Variants in SYN3 observed in about 807,000 individuals in gnomAD.
SYN3 encodes the protein synapsin-3.
A neutral mutation model predicts 65.8 loss-of-function variants in SYN3; 35 were observed. The ratio of observed to expected loss-of-function variants is 0.53; its 90% confidence interval spans 0.41 to 0.70. The LOEUF (loss-of-function observed/expected upper bound fraction) is 0.70, where lower values mean the gene tolerates loss of function less well. SYN3 is among the 30% of genes least tolerant of loss of function. The pLI is 0.00. For missense variants in SYN3, 680 were observed against 749.0 expected, an observed-to-expected ratio of 0.91 and a Z score of 1.08; for synonymous variants, 270 against 292.9, an observed-to-expected ratio of 0.92 and a Z score of 0.80.
chr22:32,668,887 G>A (rs2060326073), intron 6 of SYN3, among the ~76,000 whole-genome samples: 1 of 152,194 alleles, frequency 6.6e-6, no homozygotes, highest in Non-Finnish European at 1.5e-5. Context: ...CAGGCTCATG[G>A]TGCCCTGTGT....
intron 6 of SYN3, among the ~76,000 whole-genome samples, chr22:32,842,816 G>A (rs1440926080): frequency 6.6e-6 from 1 of 152,240 alleles, no homozygotes; most frequent in South Asian, 2.1e-4. Context: ...TGCTGATGGC[G>A]ATGACTTCTA....
chr22:32,610,085 A>T (rs2059421078), intron 6 of SYN3, among the ~76,000 whole-genome samples: 2 of 152,162 alleles, frequency 1.3e-5, no homozygotes, highest in African/African-American at 4.8e-5. Context: ...GCTTGAGACC[A>T]GCCTGGGCAA....
chr22:33,023,906 A>G (rs1002503641), intron 1 of SYN3, among the ~76,000 whole-genome samples: 2 of 152,116 alleles, frequency 1.3e-5, no homozygotes, highest in Non-Finnish European at 1.5e-5. Context: ...CTATCTCACA[A>G]TATTATTTCT....
At chr22:32,543,214 G>A (rs1468796586) in intron 7 of SYN3, among the ~76,000 whole-genome samples, 1 of 152,168 alleles carries the variant, frequency 6.6e-6, no homozygotes, top group African/African-American at 2.4e-5. Context: ...GCTCTCCGTG[G>A]GGCCCAAACA....
chr22:32,511,246 T>C lies in SYN3; in HGVS notation c.*2446A>G, dbSNP rs1035501237. ...CAGCAGCAGGAGGATGAAGCAAAGTTCTACCGGATTATAAATGGTCTGATC... is the reference window on the plus strand; with the variant it reads ...CAGCAGCAGGAGGATGAAGCAAAGTCCTACCGGATTATAAATGGTCTGATC... On this transcript the variant is annotated 3_prime_UTR_variant, in exon 14 of 14. Transcript: ENST00000358763. Among the ~76,000 whole-genome samples the C allele has an allele frequency of 3.9e-5, 6 of 152,154 alleles. No homozygotes were observed. The highest frequency in any genetic ancestry group is 4.8e-5 in the African/African-American group (2 of 41,438).
At chr22:32,579,612 T>C (rs2058906199) in intron 7 of SYN3, among the ~76,000 whole-genome samples, 1 of 152,164 alleles carries the variant, frequency 6.6e-6, no homozygotes, top group Non-Finnish European at 1.5e-5. Flanking sequence ...ATTCAGACCA[T>C]GGCAAGCCAT....
chr22:32,521,579 TG>T (rs748368624), intron 12 of SYN3, among the ~76,000 whole-genome samples: 3 of 151,726 alleles, frequency 2.0e-5, no homozygotes, highest in Non-Finnish European at 4.4e-5. Flanking sequence ...CTCAAATAGC[TG>T]GGATTACAGG....
In SYN3 at chr22:33,031,329, G is replaced by A. The variant is rs940386560; in HGVS notation, c.-162-24505C>T. Among the ~76,000 whole-genome samples, 6 of 152,122 alleles carry A rather than the reference G, an allele frequency of 3.9e-5. No individual in the cohort carries two copies. In the South Asian group the frequency reaches 1.2e-3, roughly 31 times the overall value. On this transcript the variant is annotated intron_variant, in intron 1 of 13. Transcript: ENST00000358763. ...ATCTCAGGAAATGACCCCACTAGGT[G>A]TTCAAACTAAAAATGTAGGAGTCTT...
intron 4 of SYN3, among the ~76,000 whole-genome samples, chr22:32,928,039 T>G (rs1400917309): frequency 2.0e-5 from 3 of 152,140 alleles, no homozygotes; most frequent in Non-Finnish European, 4.4e-5. Flanking sequence ...AAGTTGAAAA[T>G]GCATTTATTG....
intron 6 of SYN3, among the ~76,000 whole-genome samples, chr22:32,629,223 C>G (rs1284736184): frequency 6.6e-6 from 1 of 152,178 alleles, no homozygotes; most frequent in African/African-American, 2.4e-5. Flanking sequence ...GGAACAGAGG[C>G]TTCCCCATCC....
chr22:32,752,958 C>T (rs942665833), intron 6 of SYN3, among the ~76,000 whole-genome samples: 8 of 152,126 alleles, frequency 5.3e-5, no homozygotes, highest in African/African-American at 1.7e-4. Context: ...CTCTGGGGAA[C>T]AGCTCCAGCC....
At chr22:32,556,850 G>A (rs1271674862) in intron 7 of SYN3, among the ~76,000 whole-genome samples, 1 of 128,908 alleles carries the variant, frequency 7.8e-6, no homozygotes, top group Admixed American at 8.9e-5. Flanking sequence ...GTAGAGATGG[G>A]GTCTTGCTGT....
rs138449316 is a variant in SYN3, at chr22:32,582,717, C to T, written c.774+13957G>A. 1.4e-4 allele frequency among the ~76,000 whole-genome samples: 21 copies of T among 152,174 alleles called. 2 individuals are homozygous for T. In the East Asian group the frequency reaches 3.7e-3, roughly 27 times the overall value. ...ATTTTTAAGGGGCTCCCAGGTGATACGGATGCTGCCAGTACTTCCATAGGG... is the reference window on the plus strand; with the variant it reads ...ATTTTTAAGGGGCTCCCAGGTGATATGGATGCTGCCAGTACTTCCATAGGG... On this transcript the variant is annotated intron_variant, in intron 7 of 13. Coordinates refer to ENST00000358763, the MANE Select transcript of SYN3 (RefSeq NM_003490.4).
chr22:32,600,293 T>G (rs985924158), intron 6 of SYN3, among the ~76,000 whole-genome samples: 3 of 152,162 alleles, frequency 2.0e-5, no homozygotes, highest in African/African-American at 7.2e-5. Flanking sequence ...ACGACAGGGT[T>G]AGTACTCCTA....
intron 6 of SYN3, among the ~76,000 whole-genome samples, chr22:32,763,158 T>C (rs2045531596): frequency 6.6e-6 from 1 of 151,974 alleles, no homozygotes; most frequent in African/African-American, 2.4e-5. Context: ...GTTGTTGTTT[T>C]TTTTTTGAGA....
chr22:32,585,978 A>G (rs200587802), intron 7 of SYN3, among the ~76,000 whole-genome samples: 4 of 32,176 alleles, frequency 1.2e-4, no homozygotes, highest in Non-Finnish European at 1.9e-4. Context: ...ATATATGTAT[A>G]TATGTATGTA....
At chr22:33,009,205 A>C (rs2053284999) in intron 1 of SYN3, among the ~76,000 whole-genome samples, 1 of 151,994 alleles carries the variant, frequency 6.6e-6, no homozygotes, top group African/African-American at 2.4e-5. Context: ...AACTGTCAAA[A>C]AGTTTCCCAT....
chr22:32,631,763 A>G (rs1300508020), intron 6 of SYN3, among the ~76,000 whole-genome samples: 1 of 152,182 alleles, frequency 6.6e-6, no homozygotes, highest in East Asian at 1.9e-4. Context: ...CGCTTTACAG[A>G]TGAAGACATT....
At chr22:32,606,701 T>C (rs2059377048) in intron 6 of SYN3, among the ~76,000 whole-genome samples, 1 of 152,158 alleles carries the variant, frequency 6.6e-6, no homozygotes, top group South Asian at 2.1e-4. Context: ...ACTAGTATAC[T>C]AGTGCTGTCC....
Sources: gnomAD v4.1 joint callset for allele counts (sites outside exome capture counted in the v4.1 genomes callset) on GRCh38, gnomAD v4.1.1 for gene constraint, MANE v1.5 for transcripts, NCBI Gene and HGNC (gene_info 2026-07-23, HGNC 2026-07-21) for gene names.